CNTNAP4: variants seen among roughly 807,000 people sequenced by gnomAD.
CNTNAP4 encodes the protein contactin-associated protein-like 4.
Under a neutral mutation model 148.4 loss-of-function variants are expected in CNTNAP4, and 98 were observed. The observed-to-expected ratio is 0.66, with a 90% CI of 0.56 to 0.78. The LOEUF is 0.78. Among genes scored for constraint, CNTNAP4 ranks in the 30% least tolerant of loss-of-function variants. The probability of loss-of-function intolerance (pLI) is 0.00; values close to 1 mark genes in which losing one functional copy is unlikely to be tolerated. For synonymous variants in CNTNAP4, 730 were observed against 565.1 expected (o/e 1.29, Z -4.14); for missense variants, 1,935 against 1,565.6 (o/e 1.24, Z -3.98).
rs2081733313 is a variant in CNTNAP4, at chr16:76,479,497, G to A, written c.1841G>A (p.Ser614Asn). 1.2e-6 allele frequency: 2 copies of A among 1,610,352 alleles called. No individual in the cohort carries two copies. Among genetic ancestry groups the A allele is most frequent in the South Asian group, 1.1e-5 (1 of 90,262 alleles). ...SGFYYIDSDG[S>N]GPLEPFLLYC... ...TTTTACTATATAGATTCAGATGGAA[G>A]TGGTCCCCTGGAACCATTTCTTCTA... The change falls in exon 12 of 24, where the codon AGT becomes AAT. Residue 614 changes from serine (S) to asparagine (N), a missense_variant. Coordinates refer to ENST00000611870, the MANE Select transcript of CNTNAP4 (RefSeq NM_033401.5).
intron 1 of CNTNAP4, among the ~76,000 whole-genome samples, chr16:76,315,835 T>C (rs914171936): frequency 2.0e-5 from 3 of 152,120 alleles, no homozygotes; most frequent in African/African-American, 4.8e-5. Context: ...CATCCAGTAA[T>C]GCACCTGCCT....
chr16:76,402,557 A>C (rs569854539), intron 3 of CNTNAP4, among the ~76,000 whole-genome samples: 1 of 151,782 alleles, frequency 6.6e-6, no homozygotes, highest in Admixed American at 6.6e-5. Flanking sequence ...GATTTCCTTC[A>C]GTTTAGCTCT....
At chr16:76,422,907 C>T (rs2079241566) in intron 3 of CNTNAP4, among the ~76,000 whole-genome samples, 1 of 152,158 alleles carries the variant, frequency 6.6e-6, no homozygotes, top group African/African-American at 2.4e-5. Context: ...CCCCAAACTT[C>T]ATATATTGAA....
At position 76,444,844 on chromosome 16, in the gene CNTNAP4, A is replaced by G. The variant is rs116511985; in HGVS notation, c.539-3168A>G. Among the ~76,000 whole-genome samples, 1,065 of 152,102 alleles carry G rather than the reference A, an allele frequency of 7.0e-3. 9 individuals carry two copies. Among genetic ancestry groups the G allele is most frequent in the African/African-American group, 0.024 (1,005 of 41,484 alleles). ...GTACTGATAATGTACTCGCATTGTGAATTATACTGAACTTTTTTTCTCTGA... is the reference window on the plus strand; with the variant it reads ...GTACTGATAATGTACTCGCATTGTGGATTATACTGAACTTTTTTTCTCTGA... On this transcript the variant is annotated intron_variant, in intron 4 of 23. Transcript: ENST00000611870.
At chr16:76,496,163 A>C (rs1388049377) in intron 14 of CNTNAP4, among the ~76,000 whole-genome samples, 1 of 150,762 alleles carries the variant, frequency 6.6e-6, no homozygotes, top group East Asian at 2.0e-4. Flanking sequence ...TGGTATGAAG[A>C]ATATTGTCTC....
intron 1 of CNTNAP4, among the ~76,000 whole-genome samples, chr16:76,299,482 A>G (rs1263338503): frequency 6.6e-6 from 1 of 152,140 alleles, no homozygotes; most frequent in Non-Finnish European, 1.5e-5. Flanking sequence ...GATCATTAAA[A>G]AGTCAGGAAA....
At chr16:76,362,226 A>G (rs1040419615) in intron 3 of CNTNAP4, among the ~76,000 whole-genome samples, 2 of 152,212 alleles carry the variant, frequency 1.3e-5, no homozygotes, top group African/African-American at 4.8e-5. Flanking sequence ...ACTGAAAACT[A>G]CAAAACATTG....
intron 3 of CNTNAP4, among the ~76,000 whole-genome samples, chr16:76,398,958 A>T (rs1269171701): frequency 6.6e-6 from 1 of 152,094 alleles, no homozygotes; most frequent in Non-Finnish European, 1.5e-5. Context: ...GGTGGAGATA[A>T]TTGAATTATG....
At chr16:76,331,158 A>G (rs562940561) in intron 2 of CNTNAP4, among the ~76,000 whole-genome samples, 5 of 150,550 alleles carry the variant, frequency 3.3e-5, no homozygotes, top group Admixed American at 3.3e-4. Flanking sequence ...TTTTGATTCC[A>G]TTCTCATTCT....
At chr16:76,351,065 A>G (rs559124076) in intron 2 of CNTNAP4, among the ~76,000 whole-genome samples, 9 of 152,198 alleles carry the variant, frequency 5.9e-5, no homozygotes, top group Non-Finnish European at 1.2e-4. Flanking sequence ...CTTTAGTTTC[A>G]TAAGAATTGG....
chr16:76,497,951 C>T (rs1327009905), intron 14 of CNTNAP4, among the ~76,000 whole-genome samples: 2 of 152,134 alleles, frequency 1.3e-5, no homozygotes, highest in African/African-American at 2.4e-5. Context: ...TCAATCATTA[C>T]ACTAAATGTT....
chr16:76,436,273 C>T (rs560637462), intron 4 of CNTNAP4, among the ~76,000 whole-genome samples: 13 of 152,240 alleles, frequency 8.5e-5, no homozygotes, highest in African/African-American at 3.1e-4. Context: ...GCTGTTTCTT[C>T]TGGCAAGAAA....
At chr16:76,320,278 C>A (rs1363665144) in intron 2 of CNTNAP4, among the ~76,000 whole-genome samples, 1 of 152,134 alleles carries the variant, frequency 6.6e-6, no homozygotes, top group Non-Finnish European at 1.5e-5. Context: ...ACCTGAGGAG[C>A]TTTCCAAGCA....
At chr16:76,439,422 A>G (rs545367143) in intron 4 of CNTNAP4, among the ~76,000 whole-genome samples, 2 of 152,266 alleles carry the variant, frequency 1.3e-5, no homozygotes, top group Admixed American at 1.3e-4. Flanking sequence ...TTTGTGTAGT[A>G]TGAGAGGCTG....
At chr16:76,459,076 C>G (rs989171759) in intron 8 of CNTNAP4, among the ~76,000 whole-genome samples, 1 of 151,972 alleles carries the variant, frequency 6.6e-6, no homozygotes, top group Non-Finnish European at 1.5e-5. Flanking sequence ...TGTTGGACAC[C>G]AGTGGAAAGT....
chr16:76,466,555 A>C (rs577302423), intron 9 of CNTNAP4, among the ~76,000 whole-genome samples: 1 of 152,280 alleles, frequency 6.6e-6, no homozygotes, highest in East Asian at 1.9e-4. Flanking sequence ...TTAAAAATTG[A>C]AAAAATGTAA....
intron 21 of CNTNAP4, among the ~76,000 whole-genome samples, chr16:76,549,954 A>G (rs1344435142): frequency 1.3e-5 from 2 of 152,210 alleles, no homozygotes; most frequent in South Asian, 4.1e-4. Flanking sequence ...TGCAGATTGA[A>G]AGGGCTTATC....
In CNTNAP4 at chr16:76,395,543, C is replaced by T. The variant is rs187144816; in HGVS notation, c.391-31909C>T. Among the ~76,000 whole-genome samples the T allele has an allele frequency of 1.6e-3, 238 of 151,488 alleles. 1 individual carries two copies. Among genetic ancestry groups the T allele is most frequent in the African/African-American group, 5.6e-3 (230 of 41,292 alleles). On this transcript the variant is annotated intron_variant, in intron 3 of 23. Transcript: ENST00000611870. ...CCTCCCAAAGTGCTGGTATTACAGG[C>T]GTGAGCCACCGCGCCCGGCCAAAGA...
At chr16:76,395,814 C>T (rs1055514911) in intron 3 of CNTNAP4, among the ~76,000 whole-genome samples, 2 of 150,516 alleles carry the variant, frequency 1.3e-5, no homozygotes, top group African/African-American at 4.9e-5. Context: ...CTGTAACTTC[C>T]ACTTCCCGAG....
Sources: gnomAD v4.1 joint callset for allele counts (sites outside exome capture counted in the v4.1 genomes callset) on GRCh38, gnomAD v4.1.1 for gene constraint, MANE v1.5 for transcripts, NCBI Gene and HGNC (gene_info 2026-07-23, HGNC 2026-07-21) for gene names.